Variants in GPC4 observed in about 807,000 individuals in gnomAD.
GPC4 encodes the protein glypican 4, also known as glypican-4.
GPC4 carries 10 observed loss-of-function variants against 35.0 expected under a neutral mutation model. The ratio of observed to expected loss-of-function variants is 0.29; its 90% CI spans 0.18 to 0.48. The LOEUF is 0.48. Ranked by LOEUF, GPC4 falls within the 20% of genes least tolerant of loss-of-function variation. The pLI, the probability that GPC4 is intolerant of heterozygous loss-of-function variation, is 0.99. For missense variants in GPC4, 322 were observed against 451.3 expected (o/e 0.71, Z 2.60); for synonymous variants, 167 against 170.2 (o/e 0.98, Z 0.15).
chrX:133,319,062 TA>T (rs2068351685), intron 3 of GPC4, among the ~76,000 whole-genome samples: 1 of 112,149 alleles, frequency 8.9e-6, no homozygotes, highest in African/African-American at 3.2e-5. Context: ...GCTGCAAAAG[TA>T]AACTGGACAT....
At chrX:133,313,305 A>C (rs1268090180) in intron 3 of GPC4, among the ~76,000 whole-genome samples, 2 of 112,981 alleles carry the variant, frequency 1.8e-5, no homozygotes, top group Non-Finnish European at 3.7e-5. Flanking sequence ...CTAGCCTAAA[A>C]GGGGGGAATA....
At chrX:133,386,575 A>G (rs2068691599) in intron 1 of GPC4, among the ~76,000 whole-genome samples, 1 of 111,740 alleles carries the variant, frequency 8.9e-6, no homozygotes. Context: ...CTCGGAGACT[A>G]AAGAACAACC....
chrX:133,350,517 A>G (rs898354365), intron 1 of GPC4, among the ~76,000 whole-genome samples: 18 of 110,229 alleles, frequency 1.6e-4, no homozygotes, highest in Non-Finnish European at 2.7e-4. Flanking sequence ...GGTGGGGGGG[A>G]ATGTTTCATT....
At chrX:133,304,289 G>C (rs1004855527) in intron 7 of GPC4, among the ~76,000 whole-genome samples, 4 of 110,822 alleles carry the variant, frequency 3.6e-5, no homozygotes, top group Admixed American at 1.9e-4. Flanking sequence ...AAAAGAGCGA[G>C]ACTCCATCTC....
intron 1 of GPC4, among the ~76,000 whole-genome samples, chrX:133,361,246 A>C (rs772828241): frequency 8.9e-6 from 1 of 111,869 alleles, no homozygotes; most frequent in African/African-American, 3.2e-5. Context: ...AAAAAAGAAC[A>C]TTCATTTTTC....
Position 133,327,636 on chromosome X carries a change from A to AGTTTGTGTGTGTGTGTGTGTGT in GPC4, c.320-3101_320-3100insACACACACACACACACACAAAC, listed in dbSNP as rs1289042509. Among the ~76,000 whole-genome samples, 139 of 83,283 alleles carry AGTTTGTGTGTGTGTGTGTGTGT rather than the reference A, an allele frequency of 1.7e-3. 1 individual carries two copies. Among genetic ancestry groups the AGTTTGTGTGTGTGTGTGTGTGT allele is most frequent in the African/African-American group, 5.8e-3 (131 of 22,663 alleles). 72.3% of individuals were successfully genotyped at this position (83,283 alleles called of 115,157 possible). A position where few individuals can be genotyped will look rare whatever the true frequency, so the allele number is the denominator to read the frequency against. ...CCATGACTCACATTCTGTCCAGGAA[A>AGTTTGTGTGTGTGTGTGTGTGT]GTGTGTGTGTGTGTGTGTGTGTGTG... On this transcript the variant is annotated intron_variant, in intron 2 of 8. Coordinates refer to ENST00000370828, the MANE Select transcript of GPC4 (RefSeq NM_001448.3).
intron 1 of GPC4, among the ~76,000 whole-genome samples, chrX:133,344,413 C>T (rs1369552181): frequency 1.9e-5 from 2 of 106,524 alleles, no homozygotes; most frequent in South Asian, 4.2e-4. Flanking sequence ...TTAGTAGAGA[C>T]GGGGTTTCTC....
chrX:133,392,158 G>A (rs2068722653), intron 1 of GPC4, among the ~76,000 whole-genome samples: 1 of 108,108 alleles, frequency 9.3e-6, no homozygotes, highest in Admixed American at 1.0e-4. Context: ...GCTTAAACCC[G>A]GGAGGCAAAG....
At chrX:133,322,730 T>C (rs1454679468) in intron 3 of GPC4, among the ~76,000 whole-genome samples, 1 of 112,315 alleles carries the variant, frequency 8.9e-6, no homozygotes, top group Non-Finnish European at 1.9e-5. Context: ...TGTCCAGTTT[T>C]TATGCTGTCC....
At chrX:133,352,255 A>T (rs934360390) in intron 1 of GPC4, among the ~76,000 whole-genome samples, 53 of 112,021 alleles carry the variant, frequency 4.7e-4, no homozygotes, top group Non-Finnish European at 5.6e-5. Flanking sequence ...AAAGTAGGAG[A>T]GAGTCACACA....
chrX:133,380,290 T>A (rs2068654780), intron 1 of GPC4, among the ~76,000 whole-genome samples: 1 of 109,934 alleles, frequency 9.1e-6, no homozygotes, highest in Non-Finnish European at 1.9e-5. Flanking sequence ...TGAGCCGAGA[T>A]CGCATCACTG....
chrX:133,350,359 C>CA (rs1175629595), intron 1 of GPC4, among the ~76,000 whole-genome samples: 1 of 110,145 alleles, frequency 9.1e-6, no homozygotes, highest in African/African-American at 3.3e-5. Flanking sequence ...CGTGTCTCTA[C>CA]AAAAAATTTA....
intron 1 of GPC4, among the ~76,000 whole-genome samples, chrX:133,384,441 T>C (rs2068678743): frequency 9.0e-6 from 1 of 111,211 alleles, no homozygotes; most frequent in Non-Finnish European, 1.9e-5. Flanking sequence ...AGAGGAACTT[T>C]AGGGTTGCTA....
chrX:133,335,226 G>T (rs2068436630), intron 2 of GPC4, among the ~76,000 whole-genome samples: 1 of 111,385 alleles, frequency 9.0e-6, no homozygotes, highest in African/African-American at 3.3e-5. Flanking sequence ...AAGAGGGGGA[G>T]CAGCTAGCTC....
At chrX:133,304,930 C>T (rs1174861270) in intron 6 of GPC4, 69 bp from the exon 7 acceptor site, 1 of 1,063,741 alleles carries the variant, frequency 9.4e-7, no homozygotes, top group Non-Finnish European at 1.3e-6. Flanking sequence ...ACAAGTGTGC[C>T]TTCTGGCCAT....
chrX:133,310,082 A>G (rs1249986037), intron 4 of GPC4, among the ~76,000 whole-genome samples: 1 of 111,311 alleles, frequency 9.0e-6, no homozygotes, highest in Admixed American at 9.6e-5. Context: ...AATCTGTTGG[A>G]GCCAATTTAT....
chrX:133,343,255 G>T (rs111489492), intron 1 of GPC4, among the ~76,000 whole-genome samples: 2,182 of 111,811 alleles, frequency 0.02, 54 homozygotes, highest in African/African-American at 0.067. Flanking sequence ...AGTAGATTAT[G>T]ATCTACAACT....
intron 1 of GPC4, among the ~76,000 whole-genome samples, chrX:133,413,302 G>C (rs985659973): frequency 8.9e-6 from 1 of 112,177 alleles, no homozygotes; most frequent in Non-Finnish European, 1.9e-5. Flanking sequence ...TAACTGCCAA[G>C]GTGCAGTGGG....
chrX:133,406,777 A>T (rs1264445700), intron 1 of GPC4, among the ~76,000 whole-genome samples: 6 of 105,648 alleles, frequency 5.7e-5, no homozygotes, highest in African/African-American at 1.0e-4. Context: ...AAAGAAAATT[A>T]AAAAAAACTA....
Sources: allele counts gnomAD v4.1 joint callset (sites outside exome capture counted in the v4.1 genomes callset), GRCh38; gene constraint gnomAD v4.1.1; transcripts MANE v1.5; gene names NCBI Gene and HGNC (gene_info 2026-07-23, HGNC 2026-07-21).